The following HERC1 variants were observed in gnomAD, a reference collection of about 807,000 sequenced individuals.
HERC1 encodes the protein probable E3 ubiquitin-protein ligase HERC1.
HERC1 carries 160 observed loss-of-function variants against 554.3 expected under a neutral mutation model. The ratio of observed to expected loss-of-function variants is 0.29; its 90% CI spans 0.25 to 0.33. The LOEUF is 0.33. Ranked by LOEUF, HERC1 falls within the 10% of genes least tolerant of loss-of-function variation. The pLI, the probability that HERC1 is intolerant of heterozygous loss-of-function variation, is 1.00. For synonymous variants in HERC1, 2,175 were observed against 2,131.7 expected, an observed-to-expected ratio of 1.02 and a Z score of -0.56; for missense variants, 4,919 against 5,918.5, an observed-to-expected ratio of 0.83 and a Z score of 5.54.
chr15:63,630,717 A>G, intron 68 of HERC1, 82 bp from the exon 69 acceptor site: 1 of 1,394,072 alleles, frequency 7.2e-7, no homozygotes, highest in South Asian at 1.4e-5. Context: ...TCAGTCATTT[A>G]GCTTATTATG....
intron 12 of HERC1, among the ~76,000 whole-genome samples, chr15:63,742,393 T>C (rs56117020): frequency 0.03 from 4,584 of 152,254 alleles, 87 homozygotes; most frequent in Non-Finnish European, 0.048. Flanking sequence ...GTGTGTGTGT[T>C]CCTTAGAATT....
In HERC1 at chr15:63,648,018, C is replaced by G; in HGVS notation, c.10878+51G>C. 7 of 1,456,226 alleles carry G rather than the reference C, an allele frequency of 4.8e-6. No homozygotes were observed. The South Asian group carries it at 8.6e-5, about 18-fold the overall frequency. The allele number at this position is 1,456,226 out of a possible 1,614,324, so 90.2% of individuals were successfully genotyped here. On this transcript the variant is annotated intron_variant, in intron 55 of 77. Transcript: ENST00000443617. ...TCCACTGTGTAATCTATGCATGTAA[C>G]AAAATTATATTTGTATCCCATAAAA...
chr15:63,808,243 GGCT>G (rs2077192764), intron 1 of HERC1, among the ~76,000 whole-genome samples: 1 of 151,988 alleles, frequency 6.6e-6, no homozygotes, highest in Non-Finnish European at 1.5e-5. Flanking sequence ...TCTGAATAAC[GGCT>G]GCTATCAAAC....
rs146865746 is a variant in HERC1 at position 63,690,271 on chromosome 15, T to C, written c.5937+270A>G. On this transcript the variant is annotated intron_variant, in intron 32 of 77. Coordinates refer to ENST00000443617, the MANE Select transcript of HERC1 (RefSeq NM_003922.4). The stretch of plus-strand genomic sequence containing the variant: ...GGACACTCCCACATGTTTCTTCCTA[T>C]AGCGGTCCAAACCTAGTAAGAAATT... Among the ~76,000 whole-genome samples the C allele has an allele frequency of 2.2e-3, 342 of 152,186 alleles. 1 individual carries two copies. Among genetic ancestry groups the C allele is most frequent in the African/African-American group, 6.5e-3 (271 of 41,516 alleles).
intron 54 of HERC1, 29 bp downstream of exon 54, chr15:63,649,696 G>A (rs750525196): frequency 1.3e-5 from 21 of 1,579,068 alleles, no homozygotes; most frequent in African/African-American, 5.4e-5. Context: ...TGGAGACTCC[G>A]TCAGCTAGAC....
chr15:63,615,981 T>G, intron 75 of HERC1, 61 bp from the exon 76 acceptor site: 1 of 1,324,986 alleles, frequency 7.5e-7, no homozygotes, highest in Non-Finnish European at 1.0e-6. Flanking sequence ...AAAAGTATTT[T>G]ACATACAAAT....
chr15:63,727,177 G>C lies in HERC1; in HGVS notation c.3346+470C>G, dbSNP rs1297154341. On this transcript the variant is annotated intron_variant, in intron 17 of 77. Coordinates refer to ENST00000443617, the MANE Select transcript of HERC1 (RefSeq NM_003922.4). The surrounding 1 kb of genome is among the most constrained non-coding windows in gnomAD (Gnocchi z 4.3). ...TGTAATCCCAGCTACTCAGGAGGTT[G>C]AGCCAGGAGAATCACTTGAACCCGG... Among the ~76,000 whole-genome samples, 1 of 152,144 alleles carries C rather than the reference G, an allele frequency of 6.6e-6. No individual in the cohort carries two copies. Among genetic ancestry groups the C allele is most frequent in the Non-Finnish European group, 1.5e-5 (1 of 68,016 alleles).
intron 1 of HERC1, among the ~76,000 whole-genome samples, chr15:63,807,444 G>C (rs1398622231): frequency 6.6e-6 from 1 of 152,158 alleles, no homozygotes; most frequent in Non-Finnish European, 1.5e-5. Context: ...CATTGCTCCA[G>C]CTCTCATCAG....
At chr15:63,746,881 G>C (rs999713756) in intron 12 of HERC1, 37 bp downstream of exon 12, 1 of 1,516,082 alleles carries the variant, frequency 6.6e-7, no homozygotes, top group Admixed American at 2.0e-5. Context: ...AGAAAGACGT[G>C]GTTTGAGATA....
chr15:63,770,632 A>G (rs1039446613), intron 2 of HERC1, among the ~76,000 whole-genome samples: 2 of 152,248 alleles, frequency 1.3e-5, no homozygotes, highest in Admixed American at 6.5e-5. Context: ...AATTCATTAC[A>G]TATGTGTGGG....
rs138630046 is a variant in HERC1 at position 63,803,936 on chromosome 15, AAG to A, written c.-26-28289_-26-28288del. ...GCAACAAGATAGTGGTACTTTCATC[AAG>A]ATAGATCAACAGAACAGAACTGAGG... On this transcript the variant is annotated intron_variant, in intron 1 of 77. Coordinates refer to ENST00000443617, the MANE Select transcript of HERC1 (RefSeq NM_003922.4). Among the ~76,000 whole-genome samples, 171 of 152,322 alleles carry A rather than the reference AAG, an allele frequency of 1.1e-3. 1 individual carries two copies. Among genetic ancestry groups the A allele is most frequent in the African/African-American group, 4.1e-3 (169 of 41,570 alleles).
intron 25 of HERC1, among the ~76,000 whole-genome samples, chr15:63,706,280 A>G (rs2073001629): frequency 6.7e-6 from 1 of 150,180 alleles, no homozygotes; most frequent in Non-Finnish European, 1.5e-5. Flanking sequence ...TTCATGTAAG[A>G]GATAAAGCAT....
chr15:63,747,165 T>A, intron 11 of HERC1, 82 bp from the exon 12 acceptor site: 1 of 1,380,332 alleles, frequency 7.2e-7, no homozygotes, highest in Non-Finnish European at 9.9e-7. Flanking sequence ...TTTATATCTT[T>A]AAAAATTTTG....
Position 63,692,310 on chromosome 15 carries a change from AATC to A in HERC1, c.5830+98_5830+100del. On this transcript the variant is annotated intron_variant, in intron 31 of 77. Coordinates refer to ENST00000443617, the MANE Select transcript of HERC1 (RefSeq NM_003922.4). This position sits in a 1 kb window ranked among gnomAD's most constrained non-coding sequence, Gnocchi z 4.7. Reference sequence around the variant, plus strand: ...AGAAAATAAGAAAGAAAAGCCTTCAAATCAAGGTTACACATGGAGTGTTGCTAA... The same window carrying A: ...AGAAAATAAGAAAGAAAAGCCTTCAAAAGGTTACACATGGAGTGTTGCTAA... 1 of 865,626 alleles carries A rather than the reference AATC, an allele frequency of 1.2e-6. No individual in the cohort carries two copies. 53.6% of individuals were successfully genotyped at this position (865,626 alleles called of 1,614,324 possible).
At chr15:63,662,841 A>G (rs2070427929) in intron 44 of HERC1, 143 bp downstream of exon 44, 2 of 616,296 alleles carry the variant, frequency 3.2e-6, no homozygotes, top group Admixed American at 3.0e-5. Flanking sequence ...AAGTAACCTC[A>G]TAACTTTAAA....
At chr15:63,779,191 A>G (rs921238473) in intron 1 of HERC1, among the ~76,000 whole-genome samples, 8 of 152,150 alleles carry the variant, frequency 5.3e-5, no homozygotes, top group African/African-American at 1.2e-4. Context: ...AAACAAAAAC[A>G]GAGCTGGTTT....
chr15:63,761,687 A>AT (rs1277805186), intron 3 of HERC1, among the ~76,000 whole-genome samples: 3 of 151,972 alleles, frequency 2.0e-5, no homozygotes, highest in Non-Finnish European at 2.9e-5. Flanking sequence ...TTAGAAATTA[A>AT]TTTTTTCAGT....
chr15:63,722,287 A>G (rs770631763), intron 19 of HERC1, among the ~76,000 whole-genome samples: 1 of 152,226 alleles, frequency 6.6e-6, no homozygotes. Flanking sequence ...CCAGCACTCT[A>G]GAGTAGGCAA....
At position 63,677,722 on chromosome 15, in the gene HERC1, G is replaced by A. The variant is rs2071279400; in HGVS notation, c.7070+123C>T. On this transcript the variant is annotated intron_variant, in intron 37 of 77. Transcript: ENST00000443617. The surrounding 1 kb of genome is among the most constrained non-coding windows in gnomAD (Gnocchi z 4.4). The stretch of plus-strand genomic sequence containing the variant: ...ACAGTAGAAACATCTAGCTGCATGA[G>A]AAATATTTTTAAAAGTTAACTGGCA... 1 of 1,459,768 alleles carries A rather than the reference G, an allele frequency of 6.9e-7. No homozygotes were observed. Among genetic ancestry groups the A allele is most frequent in the Non-Finnish European group, 9.1e-7 (1 of 1,096,904 alleles). 90.4% of individuals were successfully genotyped at this position (1,459,768 alleles called of 1,614,324 possible).
Sources: allele counts gnomAD v4.1 joint callset (sites outside exome capture counted in the v4.1 genomes callset), GRCh38; gene constraint gnomAD v4.1.1; non-coding constraint Gnocchi (gnomAD v3.1); transcripts MANE v1.5; gene names NCBI Gene and HGNC (gene_info 2026-07-23, HGNC 2026-07-21).